Variants in CCP110 observed in about 807,000 individuals in gnomAD.
The protein encoded by CCP110 is centriolar coiled-coil protein of 110 kDa.
In CCP110, 43 loss-of-function variants were observed where a neutral mutation model predicts 105.5. The ratio of observed to expected loss-of-function variants is 0.41; its 90% CI spans 0.32 to 0.53. CCP110 has a LOEUF of 0.53. CCP110 is among the 20% of genes least tolerant of loss of function. The pLI is 0.32. For synonymous variants in CCP110, 353 were observed against 392.1 expected, an observed-to-expected ratio of 0.90 and a Z score of 1.18; for missense variants, 1,016 against 1,189.1, an observed-to-expected ratio of 0.85 and a Z score of 2.14.
At chr16:19,528,305 C>A (rs1467458374) in intron 2 of CCP110, among the ~76,000 whole-genome samples, 1 of 152,178 alleles carries the variant, frequency 6.6e-6, no homozygotes, top group Non-Finnish European at 1.5e-5. Flanking sequence ...AATTTAAAAG[C>A]ATACATAGCC....
At chr16:19,530,498 T>A (rs1442653661) in intron 2 of CCP110, among the ~76,000 whole-genome samples, 1 of 149,076 alleles carries the variant, frequency 6.7e-6, no homozygotes, top group East Asian at 2.0e-4. Context: ...ATACAAAAAT[T>A]AGCTGGGCGT....
intron 3 of CCP110, among the ~76,000 whole-genome samples, chr16:19,534,193 A>G (rs1567351859): frequency 6.6e-6 from 1 of 152,170 alleles, no homozygotes; most frequent in East Asian, 1.9e-4. Flanking sequence ...TAAAAAATGT[A>G]TTGAGTAGCA....
At chr16:19,552,439 A>C (rs1355034691) in exon 15 of CCP110, 1 of 151,360 alleles carries the variant, frequency 6.6e-6, no homozygotes, top group Non-Finnish European at 1.5e-5. Flanking sequence ...AGACAGGCGA[A>C]TTGCTTGAAC....
exon 4 of CCP110, chr16:19,535,950 C>T (rs367940434): frequency 5.7e-6 from 9 of 1,570,530 alleles, no homozygotes; most frequent in East Asian, 2.3e-5. Flanking sequence ...GTTAGAAAAG[C>T]ACCTAATGCC....
intron 8 of CCP110, among the ~76,000 whole-genome samples, chr16:19,543,669 ATAAT>A (rs1213685766): frequency 6.6e-6 from 1 of 152,176 alleles, no homozygotes; most frequent in Non-Finnish European, 1.5e-5. Flanking sequence ...AGGAATATTA[ATAAT>A]TAATACCCTG....
intron 3 of CCP110, 125 bp downstream of exon 3, chr16:19,532,669 C>CT (rs1436527599): frequency 1.4e-5 from 10 of 734,488 alleles, no homozygotes; most frequent in African/African-American, 3.6e-5. Flanking sequence ...GTTTGAGAAG[C>CT]TTCATAATTT....
chr16:19,532,602 A>G (rs1969914092), intron 3 of CCP110, 58 bp downstream of exon 3: 11 of 1,405,162 alleles, frequency 7.8e-6, no homozygotes, highest in Non-Finnish European at 1.1e-5. Flanking sequence ...AGCGTTGATG[A>G]TAATTTTTCT....
intron 4 of CCP110, among the ~76,000 whole-genome samples, chr16:19,539,248 T>G (rs1196963471): frequency 4.6e-5 from 7 of 152,104 alleles, no homozygotes; most frequent in Admixed American, 4.6e-4. Context: ...TTGTCATTGT[T>G]GATAATTCTT....
At chr16:19,546,193 G>T (rs1325507073) in intron 11 of CCP110, 1 of 515,250 alleles carries the variant, frequency 1.9e-6, no homozygotes, top group Admixed American at 3.7e-5. Flanking sequence ...TGTCCTAAAG[G>T]TTTCTTGGGA....
At chr16:19,536,356 G>A in exon 4 of CCP110, 2 of 1,612,494 alleles carry the variant, frequency 1.2e-6, no homozygotes, top group Admixed American at 1.7e-5. Flanking sequence ...TGAGTCTTCA[G>A]AATCTGATGA....
intron 1 of CCP110, chr16:19,524,879 A>G (rs1330591868): frequency 6.6e-6 from 1 of 152,210 alleles, no homozygotes; most frequent in East Asian, 1.9e-4. Context: ...TCTTAATAAG[A>G]AAAGCAGTCC....
chr16:19,546,353 T>C (rs1169412627), intron 11 of CCP110, 59 bp from the exon 12 acceptor site: 2 of 969,648 alleles, frequency 2.1e-6, no homozygotes, highest in African/African-American at 1.6e-5. Flanking sequence ...ATTACATTTG[T>C]AAGCATGTTT....
At chr16:19,526,899 C>G (rs1969692103) in intron 1 of CCP110, 1 of 152,074 alleles carries the variant, frequency 6.6e-6, no homozygotes. Flanking sequence ...TTTTCTGTTT[C>G]CATAGTTCAT....
chr16:19,546,573 T>C, intron 12 of CCP110, 99 bp downstream of exon 12: 1 of 673,702 alleles, frequency 1.5e-6, no homozygotes, highest in East Asian at 2.7e-5. Flanking sequence ...TCCCAGAACT[T>C]TGGGAGGCCA....
In CCP110 at chr16:19,548,724, C is replaced by T; in HGVS notation, c.2986+124C>T. 4.9e-6 allele frequency: 3 copies of T among 614,928 alleles called. No individual in the cohort carries two copies. In the Admixed American group the frequency reaches 9.1e-5, roughly 19 times the overall value. 38.1% of individuals were successfully genotyped at this position (614,928 alleles called of 1,614,324 possible). A position where few individuals can be genotyped will look rare whatever the true frequency, so the allele number is the denominator to read the frequency against. ...TGCCACCATAATTTTGGCATATTCA[C>T]AGTCATCTTATTAGTGTTCTTTGGT... On this transcript the variant is annotated intron_variant, in intron 14 of 14. Transcript: ENST00000381396. This position sits in a 1 kb window ranked among gnomAD's most constrained non-coding sequence, Gnocchi z 4.1.
exon 4 of CCP110, chr16:19,536,705 A>G (rs757415295): frequency 1.2e-6 from 2 of 1,614,148 alleles, no homozygotes. Flanking sequence ...AGTTATTCCC[A>G]CTTTTGTTAC....
chr16:19,527,829 T>C, intron 1 of CCP110, 38 bp from the exon 2 acceptor site: 1 of 1,551,720 alleles, frequency 6.4e-7, no homozygotes. Context: ...GATCTGTTTT[T>C]CCCAGTACAT....
exon 4 of CCP110, chr16:19,536,033 A>G (rs1970039134): frequency 1.9e-6 from 3 of 1,613,984 alleles, no homozygotes; most frequent in South Asian, 2.2e-5. Context: ...TGTTCCTGCT[A>G]CATTTCCAAA....
rs912352179 is a variant in CCP110 at position 19,551,584 on chromosome 16, T to C, written c.*336T>C. 3 of 214,740 alleles carry C rather than the reference T, an allele frequency of 1.4e-5. No homozygotes were observed. The Admixed American group carries it at 1.7e-4, about 12-fold the overall frequency. The allele number at this position is 214,740 out of a possible 1,614,324, so 13.3% of individuals were successfully genotyped here. On this transcript the variant is annotated 3_prime_UTR_variant, in exon 15 of 15. Transcript: ENST00000381396. ...GACATTTGGATTTACTTTTACAGAATATTGAAAAGATAAGACAAATTATAA... is the reference window on the plus strand; with the variant it reads ...GACATTTGGATTTACTTTTACAGAACATTGAAAAGATAAGACAAATTATAA...
Sources: gnomAD v4.1 joint callset for allele counts (sites outside exome capture counted in the v4.1 genomes callset) on GRCh38, gnomAD v4.1.1 for gene constraint, Gnocchi (gnomAD v3.1) non-coding constraint, MANE v1.5 for transcripts, NCBI Gene and HGNC (gene_info 2026-07-23, HGNC 2026-07-21) for gene names.